Variants in SUGCT observed in about 807,000 individuals in gnomAD.
SUGCT encodes succinyl-CoA:glutarate CoA-transferase.
In SUGCT, 41 loss-of-function variants were observed where a neutral mutation model predicts 55.0. The ratio of observed to expected loss-of-function variants is 0.74; its 90% CI spans 0.58 to 0.97. SUGCT has a LOEUF of 0.97. Ranked by LOEUF, SUGCT falls within the 50% of genes least tolerant of loss-of-function variation. SUGCT has a pLI of 0.00. For synonymous variants in SUGCT, 187 were observed against 200.4 expected, an observed-to-expected ratio of 0.93 and a Z score of 0.56; for missense variants, 568 against 547.8, an observed-to-expected ratio of 1.04 and a Z score of -0.37.
chr7:40,336,910 A>G (rs979133512), intron 9 of SUGCT, among the ~76,000 whole-genome samples: 3 of 152,166 alleles, frequency 2.0e-5, no homozygotes, highest in African/African-American at 7.2e-5. Context: ...CCCTCTACAC[A>G]CAGCTTTAAA....
At chr7:40,771,846 G>A (rs2128728373) in intron 13 of SUGCT, among the ~76,000 whole-genome samples, 1 of 152,246 alleles carries the variant, frequency 6.6e-6, no homozygotes, top group East Asian at 1.9e-4. Context: ...GAATGAATGA[G>A]CACATAAATT....
At chr7:40,225,435 AT>A (rs34672683) in intron 6 of SUGCT, among the ~76,000 whole-genome samples, 2,007 of 138,214 alleles carry the variant, frequency 0.015, 27 homozygotes, top group African/African-American at 0.032. Context: ...ATAATATATG[AT>A]TTTTTTTTTT....
the SUGCT span, among the ~76,000 whole-genome samples, chr7:41,027,665 C>T: frequency 6.6e-6 from 1 of 152,164 alleles, no homozygotes; most frequent in African/African-American, 2.4e-5. Context: ...TGGCATTCCA[C>T]TTGGCTCCTG....
At chr7:40,843,528 G>T (rs1453581850) in intron 13 of SUGCT, among the ~76,000 whole-genome samples, 1 of 106,626 alleles carries the variant, frequency 9.4e-6, no homozygotes, top group Non-Finnish European at 2.1e-5. Context: ...AAGTTGAAGT[G>T]AGTCAGTGTA....
At chr7:40,658,332 C>A (rs1217398048) in intron 12 of SUGCT, among the ~76,000 whole-genome samples, 2 of 152,182 alleles carry the variant, frequency 1.3e-5, no homozygotes, top group Admixed American at 6.5e-5. Context: ...TGAACCCCTT[C>A]CCCCTTTCCG....
At chr7:40,231,816 A>G (rs1788741245) in intron 6 of SUGCT, among the ~76,000 whole-genome samples, 2 of 152,198 alleles carry the variant, frequency 1.3e-5, no homozygotes, top group South Asian at 2.1e-4. Context: ...AGGTCACTGT[A>G]TGGTTGAGCG....
At chr7:40,971,346 T>C in the SUGCT span, among the ~76,000 whole-genome samples, 4 of 152,158 alleles carry the variant, frequency 2.6e-5, no homozygotes, top group Non-Finnish European at 5.9e-5. Context: ...ACAATGGGGA[T>C]TACATTTCCA....
chr7:40,685,062 G>T (rs1784409028), intron 12 of SUGCT, among the ~76,000 whole-genome samples: 1 of 151,768 alleles, frequency 6.6e-6, no homozygotes. Flanking sequence ...TTACCATGTT[G>T]GTCAGGCTGG....
At position 40,153,629 on chromosome 7, in the gene SUGCT, C is replaced by T. The variant is rs912909248; in HGVS notation, c.100+18509C>T. The T allele has an allele frequency of 2.7e-5, 14 of 522,432 alleles. No homozygotes were observed. The East Asian group carries it at 3.8e-4, about 14-fold the overall frequency. 32.4% of individuals were successfully genotyped at this position (522,432 alleles called of 1,614,324 possible). On this transcript the variant is annotated intron_variant, in intron 1 of 13. Coordinates refer to ENST00000335693, the MANE Select transcript of SUGCT (RefSeq NM_001193313.2). ...GTCTGCTACCTTATGTTATAATAGTCGATCCAATGTGTGGAACAGGGGCAA... is the reference window on the plus strand; with the variant it reads ...GTCTGCTACCTTATGTTATAATAGTTGATCCAATGTGTGGAACAGGGGCAA...
chr7:40,185,115 G>T (rs1008495146), intron 3 of SUGCT, among the ~76,000 whole-genome samples: 1 of 152,198 alleles, frequency 6.6e-6, no homozygotes, highest in Non-Finnish European at 1.5e-5. Context: ...TGTTTATTCA[G>T]CTAATGATGT....
intron 12 of SUGCT, among the ~76,000 whole-genome samples, chr7:40,518,496 A>G (rs1193353913): frequency 6.6e-6 from 1 of 152,136 alleles, no homozygotes; most frequent in Non-Finnish European, 1.5e-5. Flanking sequence ...AACCAATGTC[A>G]ACTCAGATGT....
intron 6 of SUGCT, among the ~76,000 whole-genome samples, chr7:40,214,811 G>A (rs1787530247): frequency 6.6e-6 from 1 of 152,062 alleles, no homozygotes; most frequent in African/African-American, 2.4e-5. Context: ...CTACTCAGGA[G>A]GCTGAGCCAG....
chr7:40,617,888 G>A (rs1799085830), intron 12 of SUGCT, among the ~76,000 whole-genome samples: 1 of 152,022 alleles, frequency 6.6e-6, no homozygotes, highest in South Asian at 2.1e-4. Context: ...TTTTTCATAT[G>A]TCATCGACTC....
chr7:40,756,601 T>C (rs1788264324), intron 13 of SUGCT, among the ~76,000 whole-genome samples: 1 of 152,158 alleles, frequency 6.6e-6, no homozygotes, highest in African/African-American at 2.4e-5. Context: ...ATTTCTATAA[T>C]GGATAACAGC....
At chr7:40,418,594 G>T (rs1787134775) in intron 9 of SUGCT, among the ~76,000 whole-genome samples, 1 of 152,150 alleles carries the variant, frequency 6.6e-6, no homozygotes, top group African/African-American at 2.4e-5. Flanking sequence ...AGCAGACATT[G>T]ATCAGGTCCC....
At chr7:40,682,176 T>C (rs1784277493) in intron 12 of SUGCT, among the ~76,000 whole-genome samples, 1 of 152,198 alleles carries the variant, frequency 6.6e-6, no homozygotes, top group Admixed American at 6.5e-5. Context: ...CCCCACAGCC[T>C]GCTAAAAGAG....
chr7:40,207,042 T>TA (rs1297021615), intron 6 of SUGCT, among the ~76,000 whole-genome samples: 6 of 151,524 alleles, frequency 4.0e-5, no homozygotes, highest in Non-Finnish European at 7.4e-5. Context: ...CTATAAAAAA[T>TA]AAAAAAATTA....
chr7:40,500,598 A>C (rs1049630320), intron 12 of SUGCT, among the ~76,000 whole-genome samples: 1 of 152,194 alleles, frequency 6.6e-6, no homozygotes, highest in Non-Finnish European at 1.5e-5. Flanking sequence ...TATGGGATGA[A>C]TATGTCATAG....
intron 12 of SUGCT, among the ~76,000 whole-genome samples, chr7:40,618,351 C>CACTCAACAGGAATTGCTGTAGCTTT (rs1262771714): frequency 2.0e-5 from 3 of 152,200 alleles, no homozygotes. Flanking sequence ...GTCCACATCT[C>CACTCAACAGGAATTGCTGTAGCTTT]ACTCAACAGG....
Sources: gnomAD v4.1 joint callset for allele counts (sites outside exome capture counted in the v4.1 genomes callset) on GRCh38, gnomAD v4.1.1 for gene constraint, MANE v1.5 for transcripts, NCBI Gene and HGNC (gene_info 2026-07-23, HGNC 2026-07-21) for gene names.